PCDH18: variants seen among roughly 807,000 people sequenced by gnomAD.
The protein encoded by PCDH18 is protocadherin-18.
In PCDH18, 38 loss-of-function variants were observed where a neutral mutation model predicts 71.5. That is an observed-to-expected ratio of 0.53 (90% CI 0.41 to 0.70). The LOEUF (loss-of-function observed/expected upper bound fraction) is 0.70. Among genes scored for constraint, PCDH18 ranks in the 30% least tolerant of loss-of-function variants. The probability of loss-of-function intolerance (pLI) is 0.00; values close to 1 mark genes in which losing one functional copy is unlikely to be tolerated. For missense variants in PCDH18, 1,334 were observed against 1,384.6 expected (o/e 0.96, Z 0.58); for synonymous variants, 565 against 505.4 (o/e 1.12, Z -1.58).
Position 137,521,482 on chromosome 4 carries a change from G to C in PCDH18, c.2955C>G (p.Thr985=), listed in dbSNP as rs748940313. The C allele has an allele frequency of 6.2e-7, 1 of 1,614,126 alleles. No individual in the cohort carries two copies. Among genetic ancestry groups the C allele is most frequent in the Admixed American group, 1.7e-5 (1 of 60,018 alleles). Residue 985 remains threonine, a synonymous_variant, in exon 4 of 4, where the codon ACC becomes ACG. Coordinates refer to ENST00000344876, the MANE Select transcript of PCDH18 (RefSeq NM_019035.5). ...CATCGTTTGGGGAGTCCTTTCCAAA[G>C]GTGGAAAAACTCTTCTTCTTTTCAC... ...DSGEKKKSFS[T]FGKDSPNDED...
intron 3 of PCDH18, among the ~76,000 whole-genome samples, chr4:137,527,412 A>G (rs1016077320): frequency 1.3e-5 from 2 of 152,040 alleles, no homozygotes; most frequent in Non-Finnish European, 2.9e-5. Flanking sequence ...TTGTATTGCT[A>G]TTTTTTATTG....
In PCDH18 at chr4:137,530,816, T is replaced by C. The variant is rs1731659282; in HGVS notation, c.1273A>G (p.Arg425Gly). Residue 425 changes from arginine (R) to glycine (G), a missense_variant, in exon 1 of 4, where the codon AGA becomes GGA. Arg to Gly is a moderately radical substitution (Grantham distance 125). Coordinates refer to ENST00000344876, the MANE Select transcript of PCDH18 (RefSeq NM_019035.5). ...YLILTNATLD[R>G]EKRSEYSLTV... is the part of the protein sequence containing the mutation. ...AAACTATACTCAGATCTCTTTTCTC[T>C]ATCCAGTGTGGCATTAGTTAAGATT... The C allele has an allele frequency of 8.1e-6, 13 of 1,611,104 alleles. No individual in the cohort carries two copies. The highest frequency in any genetic ancestry group is 2.2e-5 in the East Asian group (1 of 44,818).
chr4:137,521,540 C>A lies in PCDH18; in HGVS notation c.2897G>T (p.Ser966Ile), dbSNP rs372059759. 1 of 1,614,078 alleles carries A rather than the reference C, an allele frequency of 6.2e-7. No individual in the cohort carries two copies. Among genetic ancestry groups the A allele is most frequent in the South Asian group, 1.1e-5 (1 of 91,078 alleles). Reference sequence around the variant, plus strand: ...TGCAGGCTGAGCGTCATCCTCAAGACTCTGATGTGGATGCTGCTGCTGGGG... The same window carrying A: ...TGCAGGCTGAGCGTCATCCTCAAGAATCTGATGTGGATGCTGCTGCTGGGG... ...TQPQQQHPHQ[S>I]LEDDAQPADS... The change falls in exon 4 of 4, where the codon AGT (serine) becomes ATT (isoleucine). Residue 966 changes from serine to isoleucine, a missense_variant. By Grantham distance (142) the Ser-to-Ile change is moderately radical. This residue lies in a region of PCDH18 where 319 missense variants were observed against 316.3 expected (regional missense o/e 1.01). Transcript: ENST00000344876.
At position 137,529,506 on chromosome 4, in the gene PCDH18, G is replaced by A. The variant is rs142081272; in HGVS notation, c.2487+96C>T. 263 of 804,746 alleles carry A rather than the reference G, an allele frequency of 3.3e-4. No homozygotes were observed. The African/African-American group carries it at 3.5e-3, about 11-fold the overall frequency. 49.9% of individuals were successfully genotyped at this position (804,746 alleles called of 1,614,324 possible). On this transcript the variant is annotated intron_variant, in intron 1 of 3. Coordinates refer to ENST00000344876, the MANE Select transcript of PCDH18 (RefSeq NM_019035.5). ...ACTTAATTTGCACAGTATTAGTATT[G>A]TTACTTATTAATGAAAACATTTAAG...
chr4:137,530,718 A>G lies in PCDH18; in HGVS notation c.1371T>C (p.Asp457=), dbSNP rs77510460. 7,619 of 1,613,190 alleles carry G rather than the reference A, an allele frequency of 4.7e-3. 37 individuals are homozygous for G. The highest frequency in any genetic ancestry group is 0.021 in the Middle Eastern group (127 of 6,046). Residue 457 remains aspartate, a synonymous_variant, in exon 1 of 4, where the codon GAT becomes GAC. Coordinates refer to ENST00000344876, the MANE Select transcript of PCDH18 (RefSeq NM_019035.5). Reference sequence around the variant, plus strand: ...GGAAGTGGGGTGGATTGTCATTGATATCATTGATTTGAACTGTAAAATGTT... The same window carrying G: ...GGAAGTGGGGTGGATTGTCATTGATGTCATTGATTTGAACTGTAAAATGTT... ...TVKHFTVQIN[D]INDNPPHFQR...
intron 3 of PCDH18, among the ~76,000 whole-genome samples, chr4:137,526,153 C>T (rs1731450481): frequency 6.6e-6 from 1 of 151,438 alleles, no homozygotes; most frequent in Admixed American, 6.6e-5. Context: ...GAACTTTGAC[C>T]TAAAAAAAAC....
chr4:137,527,606 G>C (rs1731511938), intron 3 of PCDH18, among the ~76,000 whole-genome samples: 1 of 151,884 alleles, frequency 6.6e-6, no homozygotes, highest in Non-Finnish European at 1.5e-5. Context: ...AACTAAGATG[G>C]GTGATATTGT....
chr4:137,526,896 T>C (rs1474385646), intron 3 of PCDH18, among the ~76,000 whole-genome samples: 1 of 150,362 alleles, frequency 6.7e-6, no homozygotes, highest in Non-Finnish European at 1.5e-5. Context: ...CACTCTCCCA[T>C]GTACAAACTG....
chr4:137,530,179 T>A lies in PCDH18; in HGVS notation c.1910A>T (p.Asp637Val), dbSNP rs760709953. ...NIFIIDPRSC[D>V]IHTNVSMDSV... ...ATCCATGCTAACGTTGGTATGGATG[T>A]CACATGATCGTGGATCAATTATGAA... The change falls in exon 1 of 4, where the codon GAC (aspartate) becomes GTC (valine). Residue 637 changes from aspartate to valine, a missense_variant. By Grantham distance (152) the Asp-to-Val change is radical. This residue lies in a region of PCDH18 where 1,011 missense variants were observed against 1,048.0 expected (regional missense o/e 0.96). Coordinates refer to ENST00000344876, the MANE Select transcript of PCDH18 (RefSeq NM_019035.5). The A allele has an allele frequency of 1.9e-6, 3 of 1,613,426 alleles. No individual in the cohort carries two copies. In the African/African-American group the frequency reaches 4.0e-5, roughly 22 times the overall value.
At position 137,521,552 on chromosome 4, in the gene PCDH18, T is replaced by C; in HGVS notation, c.2885A>G (p.His962Arg). The C allele has an allele frequency of 6.2e-7, 1 of 1,614,118 alleles. No homozygotes were observed. The highest frequency in any genetic ancestry group is 8.5e-7 in the Non-Finnish European group (1 of 1,180,022). ...EEFPTQPQQQ[H>R]PHQSLEDDAQ... ...GTCATCCTCAAGACTCTGATGTGGA[T>C]GCTGCTGCTGGGGTTGCGTTGGGAA... Residue 962 changes from histidine to arginine, a missense_variant, in exon 4 of 4, where the codon CAT (histidine) becomes CGT (arginine). By Grantham distance (29) the His-to-Arg change is conservative. Transcript: ENST00000344876.
At chr4:137,527,440 C>G (rs1731504316) in intron 3 of PCDH18, among the ~76,000 whole-genome samples, 1 of 152,086 alleles carries the variant, frequency 6.6e-6, no homozygotes, top group Admixed American at 6.6e-5. Context: ...CAAATACTTT[C>G]AATTAACAGT....
At position 137,530,044 on chromosome 4, in the gene PCDH18, G is replaced by A. The variant is rs768834878; in HGVS notation, c.2045C>T (p.Ser682Leu). The A allele has an allele frequency of 5.0e-6, 8 of 1,613,886 alleles. No homozygotes were observed. Among genetic ancestry groups the A allele is most frequent in the African/African-American group, 4.0e-5 (3 of 74,900 alleles). The change falls in exon 1 of 4, where the codon TCG (serine) becomes TTG (leucine). Residue 682 changes from serine (S) to leucine (L), a missense_variant. By Grantham distance (145) the Ser-to-Leu change is moderately radical (BLOSUM62 -2). This residue lies in a region of PCDH18 where 1,011 missense variants were observed against 1,048.0 expected (regional missense o/e 0.96). Coordinates refer to ENST00000344876, the MANE Select transcript of PCDH18 (RefSeq NM_019035.5). Reference sequence around the variant, plus strand: ...TGAAGTCATTGCTGTACTTGTCACCGACTCTGCATATTCAAAGATCATGCA... The same window carrying A: ...TGAAGTCATTGCTGTACTTGTCACCAACTCTGCATATTCAAAGATCATGCA... ...LKCMIFEYAESVTSTAMTSVS... is the reference protein window; with the variant it reads ...LKCMIFEYAELVTSTAMTSVS...
Position 137,529,921 on chromosome 4 carries a change from C to T in PCDH18, c.2168G>A (p.Arg723Lys). ...LLVIMVLFAT[R>K]CNREKKDTRS... ...AGTGTCTTTCTTCTCGCGGTTACACCTAGTTGCAAATAGCACCATAATAAC... is the reference window on the plus strand; with the variant it reads ...AGTGTCTTTCTTCTCGCGGTTACACTTAGTTGCAAATAGCACCATAATAAC... Residue 723 changes from arginine (R) to lysine (K), a missense_variant, in exon 1 of 4, where the codon AGG becomes AAG. Transcript: ENST00000344876. 1.1e-5 allele frequency: 17 copies of T among 1,613,926 alleles called. No individual in the cohort carries two copies. The highest frequency in any genetic ancestry group is 1.4e-5 in the Non-Finnish European group (17 of 1,179,934).
intron 1 of PCDH18, 94 bp from the exon 2 acceptor site, chr4:137,528,914 T>A (rs1441139085): frequency 6.8e-6 from 6 of 877,612 alleles, no homozygotes; most frequent in Non-Finnish European, 1.2e-5. Flanking sequence ...CTATTTCAAC[T>A]AAGTAATTGA....
intron 3 of PCDH18, among the ~76,000 whole-genome samples, chr4:137,524,791 T>G (rs1289761464): frequency 1.3e-5 from 2 of 152,134 alleles, no homozygotes; most frequent in Non-Finnish European, 2.9e-5. Flanking sequence ...AAGTATTGAT[T>G]TTGAGCCAAA....
intron 3 of PCDH18, among the ~76,000 whole-genome samples, chr4:137,523,657 G>T (rs971319128): frequency 1.3e-5 from 2 of 151,950 alleles, no homozygotes; most frequent in African/African-American, 4.8e-5. Flanking sequence ...TGGAGGGAAA[G>T]GAAAGGCTTG....
intron 3 of PCDH18, among the ~76,000 whole-genome samples, chr4:137,523,004 T>C (rs1425925742): frequency 6.6e-6 from 1 of 152,202 alleles, no homozygotes; most frequent in African/African-American, 2.4e-5. Flanking sequence ...GAGATAATTC[T>C]GTTCTTAAAC....
Position 137,530,752 on chromosome 4 carries a change from G to A in PCDH18, c.1337C>T (p.Ser446Phe), listed in dbSNP as rs1295718457. The A allele has an allele frequency of 1.2e-6, 2 of 1,612,974 alleles. No individual in the cohort carries two copies. Among genetic ancestry groups the A allele is most frequent in the East Asian group, 4.5e-5 (2 of 44,840 alleles). Residue 446 changes from serine to phenylalanine, a missense_variant, in exon 1 of 4, where the codon TCT becomes TTT. Ser to Phe is a radical substitution (Grantham distance 155). Coordinates refer to ENST00000344876, the MANE Select transcript of PCDH18 (RefSeq NM_019035.5). ...IAEDRGTPSL[S>F]TVKHFTVQIN... ...TTGAACTGTAAAATGTTTCACTGTA[G>A]AGAGACTGGGTGTCCCCCTGTCCTC...
chr4:137,527,077 T>A (rs1162165830), intron 3 of PCDH18, among the ~76,000 whole-genome samples: 1 of 151,922 alleles, frequency 6.6e-6, no homozygotes, highest in African/African-American at 2.4e-5. Flanking sequence ...GGAGTAAACC[T>A]GGGGGCATAG....
Sources: gnomAD v4.1 joint callset for allele counts (sites outside exome capture counted in the v4.1 genomes callset) on GRCh38, gnomAD v4.1.1 for gene constraint, gnomAD v4.1.1 regional missense constraint, MANE v1.5 for transcripts, NCBI Gene and HGNC (gene_info 2026-07-23, HGNC 2026-07-21) for gene names.